FMNL2: variants seen among roughly 807,000 people sequenced by gnomAD.
The protein encoded by FMNL2 is formin-like protein 2.
A neutral mutation model predicts 130.2 loss-of-function variants in FMNL2; 51 were observed. The observed-to-expected ratio is 0.39, with a 90% CI of 0.31 to 0.49. FMNL2 has a LOEUF of 0.49. Ranked by LOEUF, FMNL2 falls within the 20% of genes least tolerant of loss-of-function variation. FMNL2 has a pLI of 0.85. For synonymous variants in FMNL2, 465 were observed against 467.1 expected (o/e 1.00, Z 0.06); for missense variants, 977 against 1,316.2 (o/e 0.74, Z 3.99).
At chr2:152,427,029 T>G (rs1217551968) in intron 1 of FMNL2, among the ~76,000 whole-genome samples, 3 of 152,208 alleles carry the variant, frequency 2.0e-5, no homozygotes, top group Admixed American at 2.0e-4. Context: ...GTTTTTGTTT[T>G]ACAAAATCCT....
intron 9 of FMNL2, among the ~76,000 whole-genome samples, chr2:152,600,712 T>C (rs1219228582): frequency 6.7e-6 from 1 of 149,348 alleles, no homozygotes; most frequent in African/African-American, 2.4e-5. Flanking sequence ...TTCACAGATG[T>C]TGGAGAGCAT....
chr2:152,424,394 C>CT (rs201404421), intron 1 of FMNL2, among the ~76,000 whole-genome samples: 20,252 of 142,044 alleles, frequency 0.14, 1,566 homozygotes, highest in East Asian at 0.22. Flanking sequence ...GGCCTACCAT[C>CT]TTTTTTTTTT....
intron 1 of FMNL2, among the ~76,000 whole-genome samples, chr2:152,346,415 G>GT (rs1293040259): frequency 1.3e-5 from 2 of 152,140 alleles, no homozygotes; most frequent in African/African-American, 4.8e-5. Flanking sequence ...GGAGGCTGAG[G>GT]TGGGAGAACT....
At chr2:152,626,782 A>G in intron 17 of FMNL2, 55 bp downstream of exon 17, 1 of 1,500,394 alleles carries the variant, frequency 6.7e-7, no homozygotes, top group Non-Finnish European at 9.0e-7. Flanking sequence ...AAAATGAGAA[A>G]GTTATGAATT....
At chr2:152,609,866 C>G (rs1345806731) in intron 10 of FMNL2, among the ~76,000 whole-genome samples, 2 of 152,140 alleles carry the variant, frequency 1.3e-5, no homozygotes, top group African/African-American at 4.8e-5. Context: ...TCCCTCCTTG[C>G]CAGAGACTCT....
intron 9 of FMNL2, among the ~76,000 whole-genome samples, chr2:152,581,359 G>T (rs1696769487): frequency 6.6e-6 from 1 of 152,126 alleles, no homozygotes; most frequent in Non-Finnish European, 1.5e-5. Context: ...TTTCATTGGG[G>T]TTGATATTGG....
intron 23 of FMNL2, 64 bp from the exon 24 acceptor site, chr2:152,639,894 T>TA: frequency 2.1e-6 from 3 of 1,418,874 alleles, no homozygotes; most frequent in Non-Finnish European, 2.8e-6. Context: ...AGAATGACTT[T>TA]AAAAAATCTT....
At chr2:152,380,706 A>G (rs1276118624) in intron 1 of FMNL2, among the ~76,000 whole-genome samples, 1 of 152,202 alleles carries the variant, frequency 6.6e-6, no homozygotes, top group African/African-American at 2.4e-5. Context: ...CATTTGAATC[A>G]GTTGAGAAAA....
chr2:152,425,064 C>T (rs1687131118), intron 1 of FMNL2, among the ~76,000 whole-genome samples: 1 of 152,132 alleles, frequency 6.6e-6, no homozygotes, highest in Non-Finnish European at 1.5e-5. Context: ...CTTTAGCAAA[C>T]CTTCAAAATC....
intron 1 of FMNL2, among the ~76,000 whole-genome samples, chr2:152,383,561 C>G (rs1305936448): frequency 1.3e-5 from 2 of 151,634 alleles, no homozygotes; most frequent in South Asian, 4.2e-4. Context: ...ATAATAAGAC[C>G]CTGTTTCAAA....
intron 1 of FMNL2, among the ~76,000 whole-genome samples, chr2:152,481,303 G>C (rs539243529): frequency 6.6e-6 from 1 of 152,348 alleles, no homozygotes; most frequent in East Asian, 1.9e-4. Flanking sequence ...TCCAGTTTGT[G>C]TGATGTCTTC....
At chr2:152,633,199 G>A (rs1011165535) in intron 21 of FMNL2, among the ~76,000 whole-genome samples, 4 of 151,272 alleles carry the variant, frequency 2.6e-5, no homozygotes, top group African/African-American at 9.7e-5. Context: ...AGGCTGAAAC[G>A]ATCCTCCCAC....
intron 1 of FMNL2, among the ~76,000 whole-genome samples, chr2:152,347,086 G>A (rs1166702825): frequency 3.5e-5 from 2 of 57,122 alleles, no homozygotes; most frequent in Non-Finnish European, 8.5e-5. Context: ...GCGATATTCC[G>A]TCTCAAAAAA....
chr2:152,370,015 C>G (rs1210772628), intron 1 of FMNL2, among the ~76,000 whole-genome samples: 1 of 152,014 alleles, frequency 6.6e-6, no homozygotes, highest in Non-Finnish European at 1.5e-5. Flanking sequence ...TGGAGAGGCA[C>G]TAAAAGTACA....
At chr2:152,416,767 A>C (rs1474813330) in intron 1 of FMNL2, among the ~76,000 whole-genome samples, 1 of 152,236 alleles carries the variant, frequency 6.6e-6, no homozygotes, top group Non-Finnish European at 1.5e-5. Context: ...GGGATGTTTT[A>C]ATTTCTAAAG....
chr2:152,558,140 G>A (rs1272691060), intron 4 of FMNL2, among the ~76,000 whole-genome samples: 3 of 152,142 alleles, frequency 2.0e-5, no homozygotes, highest in South Asian at 2.1e-4. Flanking sequence ...GTCATGTGCC[G>A]GCCTTGATGA....
intron 1 of FMNL2, among the ~76,000 whole-genome samples, chr2:152,491,757 C>T (rs1388036114): frequency 6.6e-6 from 1 of 152,134 alleles, no homozygotes; most frequent in African/African-American, 2.4e-5. Flanking sequence ...TTGAGGCCAG[C>T]CTGGCCAACA....
intron 1 of FMNL2, among the ~76,000 whole-genome samples, chr2:152,372,211 A>G (rs1406868142): frequency 6.6e-6 from 1 of 152,202 alleles, no homozygotes; most frequent in Non-Finnish European, 1.5e-5. Flanking sequence ...GGCATGCATT[A>G]TTAGCCTGTT....
rs1042636769 is a variant in FMNL2 at position 152,558,818 on chromosome 2, G to A, written c.438G>A (p.Ala146=). 5 of 1,612,672 alleles carry A rather than the reference G, an allele frequency of 3.1e-6. No individual in the cohort carries two copies. Among genetic ancestry groups the A allele is most frequent in the East Asian group, 4.5e-5 (2 of 44,806 alleles). The change falls in exon 5 of 26, where the codon GCG becomes GCA. Residue 146 remains alanine (A), a synonymous_variant. Coordinates refer to ENST00000288670, the MANE Select transcript of FMNL2 (RefSeq NM_052905.4). ...LVEYLSFAQY[A]VTFDFESVES... is the part of the protein sequence containing the mutation. ...AATATCTCTCATTTGCACAGTACGC[G>A]GTAACGTAAGTAAAACTTGGCTTGC...
Sources: gnomAD v4.1 joint callset for allele counts (sites outside exome capture counted in the v4.1 genomes callset) on GRCh38, gnomAD v4.1.1 for gene constraint, MANE v1.5 for transcripts, NCBI Gene and HGNC (gene_info 2026-07-23, HGNC 2026-07-21) for gene names.